Variants in PCNP observed in about 807,000 individuals in gnomAD.
PCNP encodes the protein PEST proteolytic signal-containing nuclear protein.
Under a neutral mutation model 21.8 loss-of-function variants are expected in PCNP, and 6 were observed. The observed-to-expected ratio is 0.28, with a 90% CI of 0.15 to 0.54. The LOEUF (loss-of-function observed/expected upper bound fraction) is 0.54. Ranked by LOEUF, PCNP falls within the 20% of genes least tolerant of loss-of-function variation. PCNP has a pLI of 0.95. For missense variants in PCNP, 161 were observed against 215.5 expected, an observed-to-expected ratio of 0.75 and a Z score of 1.58; for synonymous variants, 67 against 73.2, an observed-to-expected ratio of 0.92 and a Z score of 0.43.
At chr3:101,591,346 C>G (rs1935794533) in intron 4 of PCNP, among the ~76,000 whole-genome samples, 1 of 152,020 alleles carries the variant, frequency 6.6e-6, no homozygotes, top group African/African-American at 2.4e-5. Context: ...ATGTATGAAC[C>G]CACAAAGAAC....
intron 2 of PCNP, among the ~76,000 whole-genome samples, chr3:101,581,457 A>G (rs1935216670): frequency 6.6e-6 from 1 of 151,488 alleles, no homozygotes; most frequent in Non-Finnish European, 1.5e-5. Context: ...TTGGAGATGG[A>G]GTCTCTCACT....
intron 3 of PCNP, among the ~76,000 whole-genome samples, chr3:101,587,365 C>A (rs1392288780): frequency 6.6e-6 from 1 of 151,710 alleles, no homozygotes; most frequent in African/African-American, 2.4e-5. Flanking sequence ...GAATTTTGAG[C>A]AAGGGTAAAT....
At chr3:101,588,717 G>T (rs374813374) in intron 3 of PCNP, among the ~76,000 whole-genome samples, 1 of 152,138 alleles carries the variant, frequency 6.6e-6, no homozygotes, top group Admixed American at 6.5e-5. Context: ...GTACAGGCCA[G>T]TTATTTTGTA....
At chr3:101,578,787 A>C (rs1158028960) in intron 1 of PCNP, among the ~76,000 whole-genome samples, 2 of 152,128 alleles carry the variant, frequency 1.3e-5, no homozygotes, top group African/African-American at 4.8e-5. Flanking sequence ...CTGTTAATCA[A>C]GGCCATCTCT....
chr3:101,582,307 G>C (rs1176166143), intron 2 of PCNP, among the ~76,000 whole-genome samples: 2 of 152,100 alleles, frequency 1.3e-5, no homozygotes, highest in African/African-American at 4.8e-5. Context: ...ACAAAAATTA[G>C]CTGGGTGTGG....
chr3:101,586,754 T>C (rs988900475), intron 3 of PCNP, among the ~76,000 whole-genome samples: 3 of 151,908 alleles, frequency 2.0e-5, no homozygotes, highest in African/African-American at 4.8e-5. Flanking sequence ...TGCCCCACCA[T>C]GTTGCCCAGG....
chr3:101,574,330 T>G, intron 1 of PCNP, 51 bp downstream of exon 1: 1 of 1,492,160 alleles, frequency 6.7e-7, no homozygotes. Context: ...CGGGCCTTTC[T>G]TTGAGCTCCC....
At chr3:101,578,448 A>T (rs1332189864) in intron 1 of PCNP, among the ~76,000 whole-genome samples, 1 of 152,234 alleles carries the variant, frequency 6.6e-6, no homozygotes, top group African/African-American at 2.4e-5. Flanking sequence ...GTGATTTTAT[A>T]TATAAGTAAG....
At position 101,579,997 on chromosome 3, in the gene PCNP, G is replaced by T; in HGVS notation, c.272G>T (p.Gly91Val). ...GCATCAGCCATATCCATCAAACTTGGATCAAGTGTGAGTTGTTATTTCATA... is the reference window on the plus strand; with the variant it reads ...GCATCAGCCATATCCATCAAACTTGTATCAAGTGTGAGTTGTTATTTCATA... ...KKASAISIKL[G>V]SSKPKETVPT... The change falls in exon 2 of 5, where the codon GGA becomes GTA. Residue 91 changes from glycine to valine, a missense_variant. By Grantham distance (109) the Gly-to-Val change is moderately radical (BLOSUM62 -3). Transcript: ENST00000265260. 1 of 1,610,098 alleles carries T rather than the reference G, an allele frequency of 6.2e-7. No individual in the cohort carries two copies. The highest frequency in any genetic ancestry group is 1.1e-5 in the South Asian group (1 of 91,000).
intron 2 of PCNP, among the ~76,000 whole-genome samples, chr3:101,584,077 C>G (rs1394018634): frequency 2.0e-5 from 3 of 152,016 alleles, no homozygotes; most frequent in Non-Finnish European, 4.4e-5. Context: ...TAATAGGTGT[C>G]TAATCAACAG....
At chr3:101,574,927 G>A (rs1414354804) in intron 1 of PCNP, 2 of 152,286 alleles carry the variant, frequency 1.3e-5, no homozygotes, top group Non-Finnish European at 2.9e-5. Flanking sequence ...CGGGGTCTAG[G>A]GCTAAGGTTT....
rs113311975 is a variant in PCNP, at chr3:101,582,543, G to A, written c.279+2539G>A. 7.1e-3 allele frequency among the ~76,000 whole-genome samples: 1,086 copies of A among 152,298 alleles called. 7 individuals are homozygous for A. The highest frequency in any genetic ancestry group is 0.024 in the African/African-American group (1,001 of 41,548). On this transcript the variant is annotated intron_variant, in intron 2 of 4. Coordinates refer to ENST00000265260, the MANE Select transcript of PCNP (RefSeq NM_020357.3). ...ATTGAAATTGCTGGATTGATTATGT[G>A]AAGATAGTTAATCAGCCAACAAATG...
intron 1 of PCNP, chr3:101,576,748 A>C: frequency 6.2e-7 from 1 of 1,611,574 alleles, no homozygotes; most frequent in Non-Finnish European, 8.5e-7. Flanking sequence ...AACGGTGATC[A>C]CACGTTCCAC....
chr3:101,575,252 C>T (rs1934808303), intron 1 of PCNP, among the ~76,000 whole-genome samples: 1 of 151,950 alleles, frequency 6.6e-6, no homozygotes, highest in African/African-American at 2.4e-5. Context: ...TTATCATTCC[C>T]GAAATTATTT....
At chr3:101,591,766 GTT>G (rs149888934) in intron 4 of PCNP, among the ~76,000 whole-genome samples, 44,010 of 102,048 alleles carry the variant, frequency 0.43, 8,483 homozygotes, top group African/African-American at 0.45. Flanking sequence ...TGATTTTGGT[GTT>G]TTTTTTTTTT....
chr3:101,591,843 C>T (rs1347689692), intron 4 of PCNP, among the ~76,000 whole-genome samples: 2 of 144,836 alleles, frequency 1.4e-5, no homozygotes, highest in African/African-American at 5.1e-5. Context: ...GTGATCATAG[C>T]TCACTGCAGC....
At chr3:101,579,746 C>A in intron 1 of PCNP, 44 bp from the exon 2 acceptor site, 1 of 1,343,466 alleles carries the variant, frequency 7.4e-7, no homozygotes, top group South Asian at 1.2e-5. Context: ...TCAATCTGCT[C>A]AGTAAAAATA....
intron 1 of PCNP, chr3:101,577,068 G>T: frequency 1.5e-6 from 1 of 664,818 alleles, no homozygotes; most frequent in Non-Finnish European, 2.7e-6. Context: ...CTCGTGATCC[G>T]CCCGCCTCGG....
intron 2 of PCNP, among the ~76,000 whole-genome samples, chr3:101,584,998 T>G (rs1330305305): frequency 6.6e-6 from 1 of 152,182 alleles, no homozygotes; most frequent in Admixed American, 6.5e-5. Flanking sequence ...AGCAAGACTC[T>G]GTTCTCAAAA....
Sources: gnomAD v4.1 joint callset for allele counts (sites outside exome capture counted in the v4.1 genomes callset) on GRCh38, gnomAD v4.1.1 for gene constraint, MANE v1.5 for transcripts, NCBI Gene and HGNC (gene_info 2026-07-23, HGNC 2026-07-21) for gene names.